UNC13C: variants seen among roughly 807,000 people sequenced by gnomAD.
The protein encoded by UNC13C is protein unc-13 homolog C.
A neutral mutation model predicts 245.4 loss-of-function variants in UNC13C; 174 were observed. The observed-to-expected ratio is 0.71, with a 90% confidence interval of 0.63 to 0.80. UNC13C has a LOEUF of 0.80. Ranked by LOEUF, UNC13C falls within the 30% of genes least tolerant of loss-of-function variation. UNC13C has a pLI of 0.00. For missense variants in UNC13C, 2,829 were observed against 2,602.9 expected (o/e 1.09, Z -1.89); for synonymous variants, 992 against 895.1 (o/e 1.11, Z -1.93).
the UNC13C span, among the ~76,000 whole-genome samples, chr15:53,954,984 T>G: frequency 6.6e-6 from 1 of 152,012 alleles, no homozygotes; most frequent in African/African-American, 2.4e-5. Context: ...TGCTAAGAAA[T>G]GAGCTGGCTA....
chr15:54,554,412 G>A (rs966656362), intron 28 of UNC13C, among the ~76,000 whole-genome samples: 13 of 152,120 alleles, frequency 8.5e-5, no homozygotes, highest in East Asian at 5.8e-4. Context: ...TTGCCAAGCC[G>A]TATGTGTTAA....
intron 4 of UNC13C, among the ~76,000 whole-genome samples, chr15:54,187,677 A>C (rs1239133484): frequency 6.6e-6 from 1 of 152,096 alleles, no homozygotes; most frequent in Non-Finnish European, 1.5e-5. Flanking sequence ...TTTCTATAAA[A>C]ATTTCTTCTG....
intron 10 of UNC13C, among the ~76,000 whole-genome samples, chr15:54,290,998 T>G (rs1005701152): frequency 3.9e-5 from 6 of 152,102 alleles, no homozygotes; most frequent in Admixed American, 3.9e-4. Flanking sequence ...CTGTATCTTT[T>G]GCTACTCTAA....
intron 19 of UNC13C, among the ~76,000 whole-genome samples, chr15:54,455,205 C>CTCTCTCTCTCTCTCTATATATA (rs1388065398): frequency 1.1e-4 from 2 of 18,962 alleles, no homozygotes; most frequent in African/African-American, 1.9e-4. Context: ...CTCTCTCTCT[C>CTCTCTCTCTCTCTCTATATATA]TATATATATA....
intron 4 of UNC13C, among the ~76,000 whole-genome samples, chr15:54,149,071 C>T (rs1361502705): frequency 6.6e-6 from 1 of 152,026 alleles, no homozygotes; most frequent in Non-Finnish European, 1.5e-5. Flanking sequence ...TCATGAGATC[C>T]GAGGCTTTAA....
chr15:54,335,222 C>T (rs921891374), intron 16 of UNC13C, among the ~76,000 whole-genome samples: 1 of 152,048 alleles, frequency 6.6e-6, no homozygotes. Context: ...TGCCAACTTT[C>T]CCCTATGTAT....
chr15:54,438,910 C>G lies in UNC13C; in HGVS notation c.4933+23843C>G, dbSNP rs141193465. ...CAGAGTCCAAGCTCTTAACTCAATACCTTGTGTTGTTTGTAAATAGCTTAC... is the reference window on the plus strand; with the variant it reads ...CAGAGTCCAAGCTCTTAACTCAATAGCTTGTGTTGTTTGTAAATAGCTTAC... On this transcript the variant is annotated intron_variant, in intron 19 of 32. Transcript: ENST00000260323. Among the ~76,000 whole-genome samples the G allele has an allele frequency of 2.0e-5, 3 of 152,088 alleles. No homozygotes were observed. The East Asian group carries it at 5.8e-4, about 30-fold the overall frequency.
chr15:54,305,566 T>G (rs937207929), intron 13 of UNC13C, among the ~76,000 whole-genome samples: 1 of 152,042 alleles, frequency 6.6e-6, no homozygotes, highest in African/African-American at 2.4e-5. Flanking sequence ...GACTAATGAA[T>G]AGGTATTTTT....
intron 4 of UNC13C, among the ~76,000 whole-genome samples, chr15:54,223,269 A>G (rs1054942204): frequency 6.6e-6 from 1 of 152,212 alleles, no homozygotes; most frequent in African/African-American, 2.4e-5. Context: ...TGATTTTCGT[A>G]TACGGTGAGG....
At chr15:54,358,762 G>A (rs919391592) in intron 17 of UNC13C, among the ~76,000 whole-genome samples, 36 of 151,910 alleles carry the variant, frequency 2.4e-4, no homozygotes, top group Admixed American at 2.0e-3. Flanking sequence ...TCCTCAAACA[G>A]GGATAATTTG....
intron 10 of UNC13C, among the ~76,000 whole-genome samples, chr15:54,285,764 C>A (rs2037128358): frequency 6.6e-6 from 1 of 151,896 alleles, no homozygotes; most frequent in Non-Finnish European, 1.5e-5. Context: ...TTCACAAATT[C>A]TATCACCTAT....
chr15:54,338,457 T>G lies in UNC13C; in HGVS notation c.4681T>G (p.Cys1561Gly). The G allele has an allele frequency of 1.9e-6, 3 of 1,613,680 alleles. No individual in the cohort carries two copies. The highest frequency in any genetic ancestry group is 2.2e-5 in the East Asian group (1 of 44,872). ...TACATACAAGTATATTTTTGACAACTGCCATGAACTCTACTCCCAGCTAAC... is the reference window on the plus strand; with the variant it reads ...TACATACAAGTATATTTTTGACAACGGCCATGAACTCTACTCCCAGCTAAC... ...DSTYKYIFDN[C>G]HELYSQLTDP... Residue 1561 changes from cysteine (C) to glycine (G), a missense_variant, in exon 17 of 33, where the codon TGC (cysteine) becomes GGC (glycine). Coordinates refer to ENST00000260323, the MANE Select transcript of UNC13C (RefSeq NM_001080534.3).
intron 10 of UNC13C, among the ~76,000 whole-genome samples, chr15:54,280,004 G>T (rs944039740): frequency 6.6e-6 from 1 of 152,152 alleles, no homozygotes; most frequent in Non-Finnish European, 1.5e-5. Flanking sequence ...AGAAGGGTAA[G>T]CACATACGTG....
At chr15:54,300,431 A>G in intron 13 of UNC13C, 58 bp downstream of exon 13, 5 of 1,446,882 alleles carry the variant, frequency 3.5e-6, no homozygotes, top group Non-Finnish European at 4.6e-6. Context: ...AAAGAAAGAA[A>G]GGAGCGTTCA....
intron 10 of UNC13C, among the ~76,000 whole-genome samples, chr15:54,279,551 C>T (rs959911052): frequency 1.3e-5 from 2 of 152,170 alleles, no homozygotes; most frequent in Non-Finnish European, 2.9e-5. Flanking sequence ...TTGTTACTGG[C>T]ATTTCCATCA....
intron 1 of UNC13C, among the ~76,000 whole-genome samples, chr15:53,989,218 C>T (rs936216879): frequency 6.6e-6 from 1 of 151,806 alleles, no homozygotes. Flanking sequence ...AAATATTTCT[C>T]ATCTAGACAC....
rs954884774 is a variant in UNC13C, at chr15:54,245,928, G to A, written c.3229-4297G>A. Among the ~76,000 whole-genome samples, 4 of 152,072 alleles carry A rather than the reference G, an allele frequency of 2.6e-5. No individual in the cohort carries two copies. In the South Asian group the frequency reaches 8.3e-4, roughly 31 times the overall value. ...ATGAGGAGGGAAATAGAACTTCATA[G>A]GTTAGTCACTGGTTAAAACAGAAAG... is the stretch of plus-strand genomic sequence containing the variant. On this transcript the variant is annotated intron_variant, in intron 7 of 32. Transcript: ENST00000260323.
chr15:53,872,004 C>T, the UNC13C span, among the ~76,000 whole-genome samples: 1 of 152,232 alleles, frequency 6.6e-6, no homozygotes, highest in South Asian at 2.1e-4. Flanking sequence ...GAAACCCTCC[C>T]TTCTTCAGGA....
the UNC13C span, among the ~76,000 whole-genome samples, chr15:53,924,003 T>G: frequency 6.6e-6 from 1 of 152,146 alleles, no homozygotes; most frequent in South Asian, 2.1e-4. Flanking sequence ...GGTCGGGAGT[T>G]CGGGACCAGC....
Sources: allele counts gnomAD v4.1 joint callset (sites outside exome capture counted in the v4.1 genomes callset), GRCh38; gene constraint gnomAD v4.1.1; transcripts MANE v1.5; gene names NCBI Gene and HGNC (gene_info 2026-07-23, HGNC 2026-07-21).